Variants in DPT observed in about 807,000 individuals in gnomAD.
The protein encoded by DPT is tyrosine-rich acidic matrix protein.
A neutral mutation model predicts 31.2 loss-of-function variants in DPT; 21 were observed. That is an observed-to-expected ratio of 0.67 (90% confidence interval 0.48 to 0.97). The LOEUF (loss-of-function observed/expected upper bound fraction) is 0.97. Ranked by LOEUF, DPT falls within the 50% of genes least tolerant of loss-of-function variation. DPT has a pLI of 0.00. For synonymous variants in DPT, 91 were observed against 86.9 expected, an observed-to-expected ratio of 1.05 and a Z score of -0.26; for missense variants, 262 against 258.8, an observed-to-expected ratio of 1.01 and a Z score of -0.08.
rs35525984 is a variant in DPT, at chr1:168,719,795, C to CT, written c.306-5450dup. Among the ~76,000 whole-genome samples, 9 of 150,302 alleles carry CT rather than the reference C, an allele frequency of 6.0e-5. No homozygotes were observed. The East Asian group carries it at 7.9e-4, about 13-fold the overall frequency. ...TCTCCTTCCCATCTGAGAAGACATACTTTTTTTTTTTCTTACCACCTCTTT... is the reference window on the plus strand; with the variant it reads ...TCTCCTTCCCATCTGAGAAGACATACTTTTTTTTTTTTCTTACCACCTCTTT... On this transcript the variant is annotated intron_variant, in intron 1 of 3. Coordinates refer to ENST00000367817, the MANE Select transcript of DPT (RefSeq NM_001937.5).
chr1:168,702,550 A>G (rs1382974395), intron 2 of DPT, among the ~76,000 whole-genome samples: 1 of 152,078 alleles, frequency 6.6e-6, no homozygotes, highest in Non-Finnish European at 1.5e-5. Flanking sequence ...CTGCAAATCC[A>G]GAAACTTATT....
chr1:168,714,444 C>T (rs1011845599), intron 1 of DPT, 98 bp from the exon 2 acceptor site: 1 of 1,430,960 alleles, frequency 7.0e-7, no homozygotes, highest in African/African-American at 1.4e-5. Context: ...TTTCTCTGAC[C>T]TAGATTCTTA....
chr1:168,705,239 A>G (rs1253305141), intron 2 of DPT, among the ~76,000 whole-genome samples: 1 of 152,206 alleles, frequency 6.6e-6, no homozygotes, highest in Non-Finnish European at 1.5e-5. Context: ...TCTTCTATGA[A>G]AGTCAAACTT....
chr1:168,710,843 A>C (rs752673584), intron 2 of DPT, among the ~76,000 whole-genome samples: 3 of 152,236 alleles, frequency 2.0e-5, no homozygotes, highest in Middle Eastern at 6.8e-3. Flanking sequence ...CATTCAAATA[A>C]ACAGACAGGA....
chr1:168,711,984 AT>A (rs1649876574), intron 2 of DPT, among the ~76,000 whole-genome samples: 1 of 152,140 alleles, frequency 6.6e-6, no homozygotes, highest in African/African-American at 2.4e-5. Flanking sequence ...AGAACAAAAA[AT>A]TTTATGTAAG....
chr1:168,721,207 A>G (rs977545788), intron 1 of DPT, among the ~76,000 whole-genome samples: 3 of 152,202 alleles, frequency 2.0e-5, no homozygotes, highest in Admixed American at 6.5e-5. Context: ...TTGCCCAGTA[A>G]AAGAAGCCTT....
At chr1:168,715,987 AAAGT>A (rs1239210271) in intron 1 of DPT, among the ~76,000 whole-genome samples, 4 of 152,354 alleles carry the variant, frequency 2.6e-5, no homozygotes, top group Admixed American at 2.6e-4. Context: ...TATAATGCAT[AAAGT>A]AAGTACCGTG....
At chr1:168,703,850 G>A (rs529399931) in intron 2 of DPT, among the ~76,000 whole-genome samples, 1 of 152,292 alleles carries the variant, frequency 6.6e-6, no homozygotes, top group Admixed American at 6.5e-5. Context: ...GAGTCAATGT[G>A]GCCCAGGATG....
intron 1 of DPT, 66 bp from the exon 2 acceptor site, chr1:168,714,412 C>T: frequency 1.9e-6 from 3 of 1,596,284 alleles, no homozygotes; most frequent in East Asian, 2.2e-5. Flanking sequence ...TCCCAAGACC[C>T]CACTGCCACA....
At position 168,696,500 on chromosome 1, in the gene DPT, T is replaced by A. The variant is rs199575275; in HGVS notation, c.*49A>T. 1.9e-3 allele frequency: 2,834 copies of A among 1,463,236 alleles called. 19 individuals are homozygous for A. The highest frequency in any genetic ancestry group is 0.012 in the South Asian group (1,006 of 84,908). The allele number at this position is 1,463,236 out of a possible 1,614,324, so 90.6% of individuals were successfully genotyped here. On this transcript the variant is annotated 3_prime_UTR_variant, in exon 4 of 4. Coordinates refer to ENST00000367817, the MANE Select transcript of DPT (RefSeq NM_001937.5). ...CTGATGTTAACATATGTGGACACCC[T>A]CCTGTCCCCGGCCCCTTTCCTTTCA...
intron 2 of DPT, 55 bp from the exon 3 acceptor site, chr1:168,701,179 A>C (rs1649588851): frequency 1.5e-6 from 2 of 1,310,170 alleles, no homozygotes; most frequent in Non-Finnish European, 2.2e-6. Context: ...TATTGCTGGG[A>C]GCAAACAGAA....
intron 2 of DPT, among the ~76,000 whole-genome samples, chr1:168,705,935 T>A (rs1649709396): frequency 6.6e-6 from 1 of 152,230 alleles, no homozygotes; most frequent in East Asian, 1.9e-4. Flanking sequence ...CCTGCTGCCA[T>A]CCACATAAGA....
chr1:168,704,859 A>G (rs548244721), intron 2 of DPT, among the ~76,000 whole-genome samples: 2 of 152,208 alleles, frequency 1.3e-5, no homozygotes, highest in African/African-American at 2.4e-5. Context: ...GATTTTTCTC[A>G]TCTAAGATTC....
intron 1 of DPT, among the ~76,000 whole-genome samples, chr1:168,721,741 G>A (rs1650120658): frequency 6.6e-6 from 1 of 152,168 alleles, no homozygotes; most frequent in Non-Finnish European, 1.5e-5. Context: ...GTAGCCTCAT[G>A]GGGCTACAAT....
In DPT at chr1:168,696,349, A is replaced by G; in HGVS notation, c.*200T>C. 1.7e-6 allele frequency: 1 copy of G among 586,060 alleles called. No individual in the cohort carries two copies. The highest frequency in any genetic ancestry group is 3.0e-6 in the Non-Finnish European group (1 of 332,154). 36.3% of individuals were successfully genotyped at this position (586,060 alleles called of 1,614,324 possible). ...CTATGAAACATGTGAAAAGTGAGAAACATGGTTTAATTGTGGATTTTATTA... is the reference window on the plus strand; with the variant it reads ...CTATGAAACATGTGAAAAGTGAGAAGCATGGTTTAATTGTGGATTTTATTA... On this transcript the variant is annotated 3_prime_UTR_variant, in exon 4 of 4. Transcript: ENST00000367817.
In DPT at chr1:168,701,119, G is replaced by A. The variant is rs749007270; in HGVS notation, c.437C>T (p.Thr146Ile). The change falls in exon 3 of 4, where the codon ACA (threonine) becomes ATA (isoleucine). Residue 146 changes from threonine to isoleucine, a missense_variant. Transcript: ENST00000367817. Reference protein sequence around the residue: ...SKRCPYSCWLTTEYPGHYGEE... With the variant: ...SKRCPYSCWLITEYPGHYGEE... ...ACCATAGTGACCTGGATATTCTGTT[G>A]TTAGCCTATGCAGGAAGAACAAAGG... 3.1e-6 allele frequency: 5 copies of A among 1,610,076 alleles called. No individual in the cohort carries two copies. Among genetic ancestry groups the A allele is most frequent in the Admixed American group, 3.3e-5 (2 of 59,950 alleles).
In DPT at chr1:168,701,001, G is replaced by A; in HGVS notation, c.539+16C>T. The A allele has an allele frequency of 6.3e-7, 1 of 1,595,272 alleles. No homozygotes were observed. ...CCTTTAACCCTAGCCCATTGGGAAG[G>A]GGCTGTCTTTCTCACCTTTCCACTG... On this transcript the variant is annotated intron_variant, in intron 3 of 3. Transcript: ENST00000367817.
At chr1:168,716,212 A>G (rs1557849867) in intron 1 of DPT, among the ~76,000 whole-genome samples, 3 of 152,196 alleles carry the variant, frequency 2.0e-5, no homozygotes, top group South Asian at 2.1e-4. Flanking sequence ...AATGTATATA[A>G]TTCAAATATG....
chr1:168,724,582 T>C (rs976797195), intron 1 of DPT, among the ~76,000 whole-genome samples: 4 of 151,894 alleles, frequency 2.6e-5, no homozygotes, highest in African/African-American at 7.3e-5. Context: ...AAGGGCATTG[T>C]AGGAAACAAA....
Sources: allele counts gnomAD v4.1 joint callset (sites outside exome capture counted in the v4.1 genomes callset), GRCh38; gene constraint gnomAD v4.1.1; transcripts MANE v1.5; gene names NCBI Gene and HGNC (gene_info 2026-07-23, HGNC 2026-07-21).